Variants in DIXDC1 observed in about 807,000 individuals in gnomAD.
DIXDC1 encodes the protein DIX domain containing 1.
Under a neutral mutation model 103.1 loss-of-function variants are expected in DIXDC1, and 64 were observed. The ratio of observed to expected loss-of-function variants is 0.62; its 90% CI spans 0.51 to 0.76. The LOEUF is 0.76. Ranked by LOEUF, DIXDC1 falls within the 30% of genes least tolerant of loss-of-function variation. The probability of loss-of-function intolerance (pLI) is 0.00; values close to 1 mark genes in which losing one functional copy is unlikely to be tolerated. For synonymous variants in DIXDC1, 266 were observed against 298.5 expected (o/e 0.89, Z 1.12); for missense variants, 759 against 834.2 (o/e 0.91, Z 1.11).
At chr11:111,964,778 A>G in intron 2 of DIXDC1, 100 bp downstream of exon 2, 1 of 1,392,138 alleles carries the variant, frequency 7.2e-7, no homozygotes, top group South Asian at 1.6e-5. Flanking sequence ...TTTCTTTAGA[A>G]TATATGGCAG....
At chr11:112,011,129 A>G (rs1407438871) in intron 17 of DIXDC1, among the ~76,000 whole-genome samples, 4 of 152,228 alleles carry the variant, frequency 2.6e-5, no homozygotes, top group African/African-American at 9.7e-5. Flanking sequence ...CAACCCCATC[A>G]AAAAGTGGGC....
At chr11:111,991,288 G>A (rs116004847) in intron 10 of DIXDC1, among the ~76,000 whole-genome samples, 1,654 of 152,318 alleles carry the variant, frequency 0.011, 36 homozygotes, top group African/African-American at 0.038. Flanking sequence ...GAAAAGGTCT[G>A]TCATAAAGAG....
intron 5 of DIXDC1, among the ~76,000 whole-genome samples, chr11:111,978,157 C>G (rs1337137449): frequency 6.6e-6 from 1 of 152,074 alleles, no homozygotes; most frequent in Non-Finnish European, 1.5e-5. Context: ...AGCTATTAGA[C>G]CTGTGGGAAT....
intron 3 of DIXDC1, among the ~76,000 whole-genome samples, chr11:111,971,277 A>T (rs1021976300): frequency 2.6e-5 from 4 of 152,236 alleles, no homozygotes; most frequent in Non-Finnish European, 4.4e-5. Context: ...ATAACAAGCA[A>T]AAACAAATAA....
At chr11:111,970,751 A>G (rs1010561400) in intron 3 of DIXDC1, among the ~76,000 whole-genome samples, 14 of 152,308 alleles carry the variant, frequency 9.2e-5, no homozygotes, top group African/African-American at 3.1e-4. Flanking sequence ...TAACCAAAAC[A>G]ACATGGTACT....
chr11:111,994,434 C>T (rs1860809865), intron 14 of DIXDC1, among the ~76,000 whole-genome samples: 1 of 151,444 alleles, frequency 6.6e-6, no homozygotes, highest in East Asian at 1.9e-4. Flanking sequence ...CATATATATA[C>T]ACTCACACAT....
chr11:111,929,797 T>C (rs1393575766), intron 1 of DIXDC1: 31 of 1,437,314 alleles, frequency 2.2e-5, no homozygotes, highest in Non-Finnish European at 2.7e-5. Context: ...TTTTGTACAT[T>C]TCTTATTCTT....
rs1205521843 is a variant in DIXDC1, at chr11:112,020,733, A to T, written c.*1697A>T. On this transcript the variant is annotated 3_prime_UTR_variant, in exon 20 of 20. Coordinates refer to ENST00000440460, the MANE Select transcript of DIXDC1 (RefSeq NM_001037954.4). The stretch of plus-strand genomic sequence containing the variant: ...TTGTGAAGGTAGTTTTGTGTAATCC[A>T]GTTGATTGCTCCTCTGGCAGAGAGA... The T allele has an allele frequency of 6.6e-6, 1 of 152,200 alleles. No homozygotes were observed. The highest frequency in any genetic ancestry group is 2.4e-5 in the African/African-American group (1 of 41,456). The allele number at this position is 152,200 out of a possible 1,614,324, so 9.4% of individuals were successfully genotyped here.
At chr11:111,980,265 A>C (rs143247146) in intron 5 of DIXDC1, among the ~76,000 whole-genome samples, 1 of 152,298 alleles carries the variant, frequency 6.6e-6, no homozygotes, top group African/African-American at 2.4e-5. Flanking sequence ...CTGCCATGAT[A>C]ACTTGGCTGG....
chr11:111,931,348 T>G (rs1223075912), intron 2 of DIXDC1, among the ~76,000 whole-genome samples: 1 of 150,966 alleles, frequency 6.6e-6, no homozygotes, highest in Non-Finnish European at 1.5e-5. Flanking sequence ...CAAAAAAAAT[T>G]TTTTTAAAGA....
upstream of DIXDC1, chr11:111,937,127 C>CGGGGGGTG (rs200146124): frequency 1.9e-5 from 10 of 519,630 alleles, no homozygotes; most frequent in Admixed American, 5.8e-4. Context: ...TGCTGCGGCC[C>CGGGGGGTG]GGGCGGGGGG....
chr11:112,019,074 A>C lies in DIXDC1; in HGVS notation c.*38A>C. On this transcript the variant is annotated 3_prime_UTR_variant, in exon 20 of 20. Transcript: ENST00000440460. ...GATTGAGGGCTTATGGAACCTGGTC[A>C]CTCCCTGGCTGCTTCACTCAGGAAA... The C allele has an allele frequency of 1.3e-6, 2 of 1,557,838 alleles. No homozygotes were observed. Among genetic ancestry groups the C allele is most frequent in the Non-Finnish European group, 1.8e-6 (2 of 1,134,674 alleles).
chr11:111,967,951 C>A (rs182801408), intron 2 of DIXDC1, among the ~76,000 whole-genome samples: 1 of 152,228 alleles, frequency 6.6e-6, no homozygotes, highest in Non-Finnish European at 1.5e-5. Context: ...TTCAGGTAAG[C>A]GGAGCTTGGG....
In DIXDC1 at chr11:111,964,681, C is replaced by A; in HGVS notation, c.190+3C>A. 6.2e-7 allele frequency: 1 copy of A among 1,600,686 alleles called. No individual in the cohort carries two copies. Among genetic ancestry groups the A allele is most frequent in the South Asian group, 1.1e-5 (1 of 88,380 alleles). Reference sequence around the variant, plus strand: ...GGCATATCTCATCGAGATTGTTGGTCAGTTGGCCCTGGACTCTGATACTAG... The same window carrying A: ...GGCATATCTCATCGAGATTGTTGGTAAGTTGGCCCTGGACTCTGATACTAG... On this transcript the variant is annotated splice_donor_region_variant and intron_variant, in intron 2 of 19. Transcript: ENST00000440460.
chr11:111,937,033 A>G (rs587628254), upstream of DIXDC1, among the ~76,000 whole-genome samples: 1 of 147,514 alleles, frequency 6.8e-6, no homozygotes, highest in African/African-American at 2.5e-5. Context: ...GTGTGTGTGT[A>G]TGCACACAGC....
chr11:111,934,500 C>T (rs1037375269), upstream of DIXDC1, among the ~76,000 whole-genome samples: 17 of 152,178 alleles, frequency 1.1e-4, no homozygotes, highest in Admixed American at 2.6e-4. Flanking sequence ...TTCCAGCTAC[C>T]CAGATGGCTT....
chr11:111,930,893 G>A (rs1387194308), intron 2 of DIXDC1, among the ~76,000 whole-genome samples: 1 of 84,608 alleles, frequency 1.2e-5, no homozygotes, highest in African/African-American at 5.0e-5. Context: ...CATTCTTATT[G>A]CCCAGGCTGG....
chr11:112,013,909 G>A (rs1207580143), intron 17 of DIXDC1, among the ~76,000 whole-genome samples: 5 of 152,162 alleles, frequency 3.3e-5, no homozygotes, highest in African/African-American at 7.2e-5. Flanking sequence ...TTTCACTCAC[G>A]GCAGAAGGCA....
chr11:111,946,470 C>T (rs1369333326), intron 1 of DIXDC1, among the ~76,000 whole-genome samples: 1 of 152,108 alleles, frequency 6.6e-6, no homozygotes, highest in Non-Finnish European at 1.5e-5. Flanking sequence ...GCTATCTGCC[C>T]ACCTTGGCCT....
Sources: allele counts gnomAD v4.1 joint callset (sites outside exome capture counted in the v4.1 genomes callset), GRCh38; gene constraint gnomAD v4.1.1; transcripts MANE v1.5; gene names NCBI Gene and HGNC (gene_info 2026-07-23, HGNC 2026-07-21).